Variants in NSD3 observed in about 807,000 individuals in gnomAD.
NSD3 encodes nuclear receptor binding SET domain protein 3, also known as histone-lysine N-methyltransferase NSD3.
Under a neutral mutation model 160.8 loss-of-function variants are expected in NSD3, and 24 were observed. The ratio of observed to expected loss-of-function variants is 0.15; its 90% CI spans 0.11 to 0.21. The LOEUF (loss-of-function observed/expected upper bound fraction) is 0.21. Ranked by LOEUF, NSD3 falls within the 10% of genes least tolerant of loss-of-function variation. The pLI is 1.00. For missense variants in NSD3, 1,157 were observed against 1,735.9 expected, an observed-to-expected ratio of 0.67 and a Z score of 5.93; for synonymous variants, 520 against 600.0, an observed-to-expected ratio of 0.87 and a Z score of 1.95.
chr8:38,313,922 G>C (rs1181665106), intron 12 of NSD3, among the ~76,000 whole-genome samples: 2 of 151,848 alleles, frequency 1.3e-5, no homozygotes, highest in African/African-American at 4.8e-5. Flanking sequence ...AAATAATAAA[G>C]AGTCAAAGGT....
intron 1 of NSD3, among the ~76,000 whole-genome samples, chr8:38,351,087 T>G (rs916811124): frequency 6.6e-6 from 1 of 150,920 alleles, no homozygotes. Context: ...TTCTCCTGCC[T>G]CAGCCTCCCG....
chr8:38,273,727 A>G lies in NSD3; in HGVS notation c.*1914T>C, dbSNP rs1264366476. The G allele has an allele frequency of 2.0e-5, 3 of 152,190 alleles. No individual in the cohort carries two copies. The highest frequency in any genetic ancestry group is 4.4e-5 in the Non-Finnish European group (3 of 68,028). The allele number at this position is 152,190 out of a possible 1,614,324, so 9.4% of individuals were successfully genotyped here. On this transcript the variant is annotated 3_prime_UTR_variant, in exon 24 of 24. Coordinates refer to ENST00000317025, the MANE Select transcript of NSD3 (RefSeq NM_023034.2). ...AAAGTTTAGTGTTTTGGTGAGCTGT[A>G]TTTCATGTTACTTGTAGCAATTATA...
At chr8:38,285,285 G>C (rs1471251342) in intron 19 of NSD3, among the ~76,000 whole-genome samples, 1 of 152,200 alleles carries the variant, frequency 6.6e-6, no homozygotes, top group Non-Finnish European at 1.5e-5. Context: ...TTCTGAGAAA[G>C]AAACAACTTC....
intron 1 of NSD3, among the ~76,000 whole-genome samples, chr8:38,369,061 T>C (rs1197621650): frequency 6.6e-6 from 1 of 152,212 alleles, no homozygotes; most frequent in East Asian, 1.9e-4. Context: ...ATATGTAGTT[T>C]TTAAGGCACT....
intron 1 of NSD3, among the ~76,000 whole-genome samples, chr8:38,365,958 G>A (rs1416437760): frequency 6.6e-6 from 1 of 151,798 alleles, no homozygotes; most frequent in Non-Finnish European, 1.5e-5. Flanking sequence ...AATCTTAAAT[G>A]TTATGTAAAC....
chr8:38,360,496 G>GGCT lies in NSD3; in HGVS notation c.-44-12284_-44-12282dup, dbSNP rs545958949. Among the ~76,000 whole-genome samples, 1,484 of 152,210 alleles carry GGCT rather than the reference G, an allele frequency of 9.7e-3. 11 individuals carry two copies. The highest frequency in any genetic ancestry group is 0.014 in the Non-Finnish European group (947 of 68,012). Reference sequence around the variant, plus strand: ...AGAGGTTTACTACCATTCTGGTTGAGGCTGACTCTTTCAAAGTTTAAGGCT... The same window carrying GGCT: ...AGAGGTTTACTACCATTCTGGTTGAGGCTGCTGACTCTTTCAAAGTTTAAGGCT... On this transcript the variant is annotated intron_variant, in intron 1 of 23. Transcript: ENST00000317025.
chr8:38,318,849 G>C lies in NSD3; in HGVS notation c.1855+46C>G, dbSNP rs758084939. 1 of 1,536,842 alleles carries C rather than the reference G, an allele frequency of 6.5e-7. No individual in the cohort carries two copies. The highest frequency in any genetic ancestry group is 1.4e-5 in the African/African-American group (1 of 72,550). ...GAAGTACAAATAATTCTTAAAAATT[G>C]GTTTTAATCAAGGAAATGCAAAGCA... On this transcript the variant is annotated intron_variant, in intron 9 of 23. Transcript: ENST00000317025. This position sits in a 1 kb window ranked among gnomAD's most constrained non-coding sequence, Gnocchi z 5.3.
intron 16 of NSD3, among the ~76,000 whole-genome samples, chr8:38,294,345 C>T (rs1809081188): frequency 6.6e-6 from 1 of 152,158 alleles, no homozygotes; most frequent in South Asian, 2.1e-4. Context: ...ATCCACCTGC[C>T]CCAGCCTCCT....
chr8:38,350,028 T>C (rs1810646426), intron 1 of NSD3, among the ~76,000 whole-genome samples: 1 of 152,210 alleles, frequency 6.6e-6, no homozygotes, highest in African/African-American at 2.4e-5. Flanking sequence ...TCATTTTTTA[T>C]GGCTGCATAG....
Position 38,271,226 on chromosome 8 carries a change from T to C in NSD3, c.*4415A>G, listed in dbSNP as rs752819608. On this transcript the variant is annotated 3_prime_UTR_variant, in exon 24 of 24. Transcript: ENST00000317025. ...ATCCACGCTAAAGAGGATAAGAGACTAGGCTATTTATTTTCAAAACAGTTT... is the reference window on the plus strand; with the variant it reads ...ATCCACGCTAAAGAGGATAAGAGACCAGGCTATTTATTTTCAAAACAGTTT... 22 of 152,188 alleles carry C rather than the reference T, an allele frequency of 1.4e-4. No individual in the cohort carries two copies. Among genetic ancestry groups the C allele is most frequent in the African/African-American group, 5.3e-4 (22 of 41,436 alleles). The allele number at this position is 152,188 out of a possible 1,614,324, so 9.4% of individuals were successfully genotyped here. A position where few individuals can be genotyped will look rare whatever the true frequency, so the allele number is the denominator to read the frequency against.
At chr8:38,375,681 A>G (rs764346004) in intron 1 of NSD3, among the ~76,000 whole-genome samples, 3 of 151,958 alleles carry the variant, frequency 2.0e-5, no homozygotes, top group Non-Finnish European at 4.4e-5. Flanking sequence ...ACTTATAAAT[A>G]TAATTCATAA....
chr8:38,353,852 CA>C, intron 1 of NSD3, among the ~76,000 whole-genome samples: 1 of 152,186 alleles, frequency 6.6e-6, no homozygotes, highest in East Asian at 1.9e-4. Flanking sequence ...TCCAAGACCA[CA>C]AAGCTAATTA....
At chr8:38,337,155 A>AG in intron 4 of NSD3, 150 bp downstream of exon 4, 59 of 353,798 alleles carry the variant, frequency 1.7e-4, no homozygotes, top group East Asian at 3.7e-4. Flanking sequence ...AAAAAAAAAG[A>AG]AAAAAAAAAA....
At chr8:38,328,838 C>T (rs1490916083) in intron 6 of NSD3, among the ~76,000 whole-genome samples, 2 of 152,156 alleles carry the variant, frequency 1.3e-5, no homozygotes, top group Non-Finnish European at 2.9e-5. Context: ...GTTTTTACCC[C>T]ATTACCCAAG....
intron 2 of NSD3, among the ~76,000 whole-genome samples, chr8:38,346,075 T>C (rs1344039577): frequency 6.6e-6 from 1 of 151,774 alleles, no homozygotes; most frequent in Non-Finnish European, 1.5e-5. Context: ...CACTGATTAC[T>C]CTTTATCTCA....
In NSD3 at chr8:38,381,775, T is replaced by C. The variant is rs865814080; in HGVS notation, c.-45+24A>G. ...ACACACACACACACACACACACACATACACACACGCACACGCACTTTACCT... is the reference window on the plus strand; with the variant it reads ...ACACACACACACACACACACACACACACACACACGCACACGCACTTTACCT... On this transcript the variant is annotated intron_variant, in intron 1 of 23. Transcript: ENST00000317025. 71 of 112,656 alleles carry C rather than the reference T, an allele frequency of 6.3e-4. 1 individual carries two copies. Among genetic ancestry groups the C allele is most frequent in the Middle Eastern group, 4.7e-3 (1 of 212 alleles). 7.0% of individuals were successfully genotyped at this position (112,656 alleles called of 1,614,324 possible). A position where few individuals can be genotyped will look rare whatever the true frequency, so the allele number is the denominator to read the frequency against.
At chr8:38,296,747 A>T (rs1165516727) in intron 15 of NSD3, among the ~76,000 whole-genome samples, 1 of 151,756 alleles carries the variant, frequency 6.6e-6, no homozygotes, top group Non-Finnish European at 1.5e-5. Context: ...ATATATACAT[A>T]TACAGAGAAT....
chr8:38,321,366 T>A lies in NSD3; in HGVS notation c.1709-194A>T, dbSNP rs1473394706. ...GATCAAATTGTAAAGGCTGATAAGC[T>A]GAGACTGGGATTCACAAAGGGTCCT... is the stretch of plus-strand genomic sequence containing the variant. On this transcript the variant is annotated intron_variant, in intron 7 of 23. Coordinates refer to ENST00000317025, the MANE Select transcript of NSD3 (RefSeq NM_023034.2). The surrounding 1 kb of genome is among the most constrained non-coding windows in gnomAD (Gnocchi z 4.7). Among the ~76,000 whole-genome samples, 2 of 152,206 alleles carry A rather than the reference T, an allele frequency of 1.3e-5. No homozygotes were observed. The highest frequency in any genetic ancestry group is 4.8e-5 in the African/African-American group (2 of 41,456).
chr8:38,329,718 G>C lies in NSD3; in HGVS notation c.1241C>G (p.Thr414Ser). The C allele has an allele frequency of 6.2e-7, 1 of 1,614,120 alleles. No homozygotes were observed. Among genetic ancestry groups the C allele is most frequent in the African/African-American group, 1.3e-5 (1 of 75,010 alleles). Residue 414 changes from threonine (T) to serine (S), a missense_variant, in exon 6 of 24, where the codon ACC (threonine) becomes AGC (serine). Around this residue, in one of 10 missense-constraint regions of NSD3, gnomAD observed 168 missense variants for 208.1 expected, o/e 0.81. Coordinates refer to ENST00000317025, the MANE Select transcript of NSD3 (RefSeq NM_023034.2). The surrounding 1 kb of genome is among the most constrained non-coding windows in gnomAD (Gnocchi z 4.8). ...TGGTCGTCGGGTTTTTTTAACTTCG[G>C]TTTTGGAGGCAACACTCTTTTTTGC... Reference protein sequence around the residue: ...SQAKKSVASKTEVKKTRRPRS... With the variant: ...SQAKKSVASKSEVKKTRRPRS...
Sources: allele counts gnomAD v4.1 joint callset (sites outside exome capture counted in the v4.1 genomes callset), GRCh38; gene constraint gnomAD v4.1.1; regional missense constraint gnomAD v4.1.1; non-coding constraint Gnocchi (gnomAD v3.1); transcripts MANE v1.5; gene names NCBI Gene and HGNC (gene_info 2026-07-23, HGNC 2026-07-21).